MGAT4A: variants seen among roughly 807,000 people sequenced by gnomAD.
MGAT4A encodes alpha-1,3-mannosyl-glycoprotein 4-beta-N-acetylglucosaminyltransferase A.
In MGAT4A, 33 loss-of-function variants were observed where a neutral mutation model predicts 74.1. The ratio of observed to expected loss-of-function variants is 0.45; its 90% CI spans 0.34 to 0.60. The LOEUF is 0.60. Among genes scored for constraint, MGAT4A ranks in the 20% least tolerant of loss-of-function variants. The pLI is 0.02. For synonymous variants in MGAT4A, 198 were observed against 210.4 expected, an observed-to-expected ratio of 0.94 and a Z score of 0.51; for missense variants, 479 against 628.3, an observed-to-expected ratio of 0.76 and a Z score of 2.54.
chr2:98,648,857 T>G (rs1701535282), intron 8 of MGAT4A, among the ~76,000 whole-genome samples: 1 of 151,812 alleles, frequency 6.6e-6, no homozygotes, highest in African/African-American at 2.4e-5. Flanking sequence ...TTAGCAATAC[T>G]CCCATCTCTA....
At position 98,627,699 on chromosome 2, in the gene MGAT4A, G is replaced by A. The variant is rs116052828; in HGVS notation, c.1469-1864C>T. On this transcript the variant is annotated intron_variant, in intron 14 of 15. Coordinates refer to ENST00000393487, the MANE Select transcript of MGAT4A (RefSeq NM_012214.3). ...TTTAGCAAAAACGAATTTTCAAAGT[G>A]ATAATAGCTGTTGAGGGAAGTTCTC... 6.9e-3 allele frequency among the ~76,000 whole-genome samples: 1,045 copies of A among 152,290 alleles called. 11 individuals are homozygous for A. The highest frequency in any genetic ancestry group is 0.022 in the African/African-American group (919 of 41,556).
At chr2:98,688,589 G>A (rs1428304771) in intron 2 of MGAT4A, among the ~76,000 whole-genome samples, 3 of 152,140 alleles carry the variant, frequency 2.0e-5, no homozygotes, top group Non-Finnish European at 2.9e-5. Context: ...CAACTAAACC[G>A]AAAAGCCCAT....
At chr2:98,705,024 A>C (rs547233425) in intron 2 of MGAT4A, among the ~76,000 whole-genome samples, 31 of 152,276 alleles carry the variant, frequency 2.0e-4, no homozygotes, top group African/African-American at 7.5e-4. Context: ...TTTCTACCTT[A>C]TCATTAACCC....
chr2:98,722,287 C>T (rs898654741), intron 2 of MGAT4A, among the ~76,000 whole-genome samples: 1 of 152,216 alleles, frequency 6.6e-6, no homozygotes, highest in Admixed American at 6.5e-5. Context: ...CAGTGTGGTA[C>T]ATCCATACAA....
At chr2:98,663,889 T>A (rs1701789129) in intron 4 of MGAT4A, among the ~76,000 whole-genome samples, 1 of 152,158 alleles carries the variant, frequency 6.6e-6, no homozygotes, top group South Asian at 2.1e-4. Context: ...ACTATGGTCA[T>A]GTAGGGACAC....
intron 7 of MGAT4A, chr2:98,655,739 C>G (rs1166021742): frequency 4.8e-6 from 2 of 413,182 alleles, no homozygotes. Context: ...AACACTAATT[C>G]TCAAGCTGTC....
chr2:98,633,050 G>A (rs1036727261), intron 14 of MGAT4A, among the ~76,000 whole-genome samples: 3 of 152,164 alleles, frequency 2.0e-5, no homozygotes, highest in Non-Finnish European at 4.4e-5. Flanking sequence ...GAGCCACTGC[G>A]CCCAGCCAAG....
chr2:98,676,096 T>C (rs999609248), intron 3 of MGAT4A, among the ~76,000 whole-genome samples: 1 of 152,194 alleles, frequency 6.6e-6, no homozygotes. Flanking sequence ...AGAAATAATA[T>C]TGTTTTAAAA....
At chr2:98,635,775 G>A (rs1206705480) in intron 13 of MGAT4A, among the ~76,000 whole-genome samples, 1 of 151,664 alleles carries the variant, frequency 6.6e-6, no homozygotes, top group Non-Finnish European at 1.5e-5. Flanking sequence ...GGTGGATCAC[G>A]AGGTCAGGAG....
intron 6 of MGAT4A, among the ~76,000 whole-genome samples, chr2:98,657,325 T>A (rs1044744023): frequency 2.0e-5 from 3 of 152,170 alleles, no homozygotes; most frequent in Non-Finnish European, 2.9e-5. Context: ...CTAAGGAAGA[T>A]GTAAATCACC....
rs1005488057 is a variant in MGAT4A at position 98,619,316 on chromosome 2, C to G, written c.*6250G>C. 1.3e-5 allele frequency: 2 copies of G among 152,294 alleles called. No individual in the cohort carries two copies. The highest frequency in any genetic ancestry group is 1.3e-4 in the Admixed American group (2 of 15,234). 9.4% of individuals were successfully genotyped at this position (152,294 alleles called of 1,614,324 possible). A position where few individuals can be genotyped will look rare whatever the true frequency, so the allele number is the denominator to read the frequency against. On this transcript the variant is annotated 3_prime_UTR_variant, in exon 16 of 16. Coordinates refer to ENST00000393487, the MANE Select transcript of MGAT4A (RefSeq NM_012214.3). ...AATCCAACAAGTACCTAAAATATTA[C>G]TACGGATAGGAATCATTCAGCCAAT...
At chr2:98,640,904 T>C (rs977575797) in intron 10 of MGAT4A, among the ~76,000 whole-genome samples, 1 of 152,232 alleles carries the variant, frequency 6.6e-6, no homozygotes, top group African/African-American at 2.4e-5. Context: ...AATAATATAA[T>C]GAATTTGCAA....
At chr2:98,631,716 A>G (rs1701236783) in intron 14 of MGAT4A, among the ~76,000 whole-genome samples, 1 of 152,050 alleles carries the variant, frequency 6.6e-6, no homozygotes, top group African/African-American at 2.4e-5. Context: ...AGCTACTTCC[A>G]CTCAATAAAA....
At position 98,622,910 on chromosome 2, in the gene MGAT4A, T is replaced by C. The variant is rs936872270; in HGVS notation, c.*2656A>G. The C allele has an allele frequency of 3.0e-6, 3 of 985,038 alleles. No individual in the cohort carries two copies. In the African/African-American group the frequency reaches 5.2e-5, roughly 17 times the overall value. 61.0% of individuals were successfully genotyped at this position (985,038 alleles called of 1,614,324 possible). ...GGCACACACCTATAATCCCAGCACTTTGGGAGGCTGAGGCAGGAGGATTGC... is the reference window on the plus strand; with the variant it reads ...GGCACACACCTATAATCCCAGCACTCTGGGAGGCTGAGGCAGGAGGATTGC... On this transcript the variant is annotated 3_prime_UTR_variant, in exon 16 of 16. Transcript: ENST00000393487.
chr2:98,728,382 T>C (rs1559178912), intron 1 of MGAT4A, among the ~76,000 whole-genome samples: 1 of 152,338 alleles, frequency 6.6e-6, no homozygotes. Context: ...TTCTCTAAGA[T>C]TGAACTTATT....
Position 98,621,312 on chromosome 2 carries a change from G to A in MGAT4A, c.*4254C>T, listed in dbSNP as rs1701057263. Reference sequence around the variant, plus strand: ...TTTCCAAGCCTATGAATGAGCTTATGGGCTGAATTCAGTTCCCGTGGCTGT... The same window carrying A: ...TTTCCAAGCCTATGAATGAGCTTATAGGCTGAATTCAGTTCCCGTGGCTGT... On this transcript the variant is annotated 3_prime_UTR_variant, in exon 16 of 16. Transcript: ENST00000393487. 1 of 1,420,590 alleles carries A rather than the reference G, an allele frequency of 7.0e-7. No homozygotes were observed. The highest frequency in any genetic ancestry group is 1.5e-5 in the African/African-American group (1 of 68,874). The allele number at this position is 1,420,590 out of a possible 1,614,324, so 88.0% of individuals were successfully genotyped here.
chr2:98,684,218 T>C (rs780852565), intron 2 of MGAT4A, among the ~76,000 whole-genome samples: 5 of 152,238 alleles, frequency 3.3e-5, no homozygotes, highest in Non-Finnish European at 7.3e-5. Flanking sequence ...CAAATTAATA[T>C]GTTTGATAAT....
intron 2 of MGAT4A, among the ~76,000 whole-genome samples, chr2:98,723,716 T>G (rs1025270781): frequency 1.3e-5 from 2 of 152,208 alleles, no homozygotes; most frequent in African/African-American, 2.4e-5. Context: ...TCCCTGGACC[T>G]GATATGCCCA....
chr2:98,653,887 T>A (rs1158458702), intron 8 of MGAT4A, among the ~76,000 whole-genome samples: 3 of 151,984 alleles, frequency 2.0e-5, no homozygotes, highest in South Asian at 4.2e-4. Context: ...CAGACCAATA[T>A]CCCTGATGCA....
Sources: allele counts gnomAD v4.1 joint callset (sites outside exome capture counted in the v4.1 genomes callset), GRCh38; gene constraint gnomAD v4.1.1; transcripts MANE v1.5; gene names NCBI Gene and HGNC (gene_info 2026-07-23, HGNC 2026-07-21).